AKR1A1: variants seen among roughly 807,000 people sequenced by gnomAD.
AKR1A1 encodes the protein HEL-S-165mP.
AKR1A1 carries 26 observed loss-of-function variants against 39.2 expected under a neutral mutation model. The ratio of observed to expected loss-of-function variants is 0.66; its 90% confidence interval spans 0.49 to 0.92. The LOEUF is 0.92. AKR1A1 is among the 40% of genes least tolerant of loss of function. The pLI is 0.00. For synonymous variants in AKR1A1, 141 were observed against 155.5 expected, an observed-to-expected ratio of 0.91 and a Z score of 0.69; for missense variants, 378 against 406.5, an observed-to-expected ratio of 0.93 and a Z score of 0.60.
intron 2 of AKR1A1, among the ~76,000 whole-genome samples, chr1:45,565,581 C>T (rs1644331476): frequency 6.6e-6 from 1 of 152,080 alleles, no homozygotes; most frequent in Non-Finnish European, 1.5e-5. Flanking sequence ...TCAAGCGATT[C>T]TCCTATCTCA....
chr1:45,556,942 CA>C (rs1012969826), intron 1 of AKR1A1, among the ~76,000 whole-genome samples: 4 of 151,574 alleles, frequency 2.6e-5, no homozygotes, highest in African/African-American at 9.7e-5. Context: ...GTAATCCCAG[CA>C]CTTTGAAAAG....
At chr1:45,568,429 G>A (rs1644373439) in intron 5 of AKR1A1, 56 bp from the exon 6 acceptor site, 3 of 1,589,006 alleles carry the variant, frequency 1.9e-6, no homozygotes, top group East Asian at 2.2e-5. Context: ...TGTCTGGGAT[G>A]GGCCAAGCAA....
rs1209809979 is a variant in AKR1A1, at chr1:45,568,989, A to G, written c.815A>G (p.Gln272Arg). 1 of 1,614,220 alleles carries G rather than the reference A, an allele frequency of 6.2e-7. No individual in the cohort carries two copies. The highest frequency in any genetic ancestry group is 8.5e-7 in the Non-Finnish European group (1 of 1,180,012). ...AGTATCACTCCTTCTCGAATCCTTCAGAACATCAAGGTACTTGGTAATGGG... is the reference window on the plus strand; with the variant it reads ...AGTATCACTCCTTCTCGAATCCTTCGGAACATCAAGGTACTTGGTAATGGG... ...PKSITPSRIL[Q>R]NIKVFDFTFS... The change falls in exon 7 of 9, where the codon CAG becomes CGG. Residue 272 changes from glutamine (Q) to arginine (R), a missense_variant. Physicochemically the swap from Gln to Arg is conservative, Grantham distance 43. Transcript: ENST00000351829.
At chr1:45,557,474 G>A (rs1644219977) in intron 1 of AKR1A1, among the ~76,000 whole-genome samples, 1 of 152,032 alleles carries the variant, frequency 6.6e-6, no homozygotes, top group South Asian at 2.1e-4. Flanking sequence ...CAGCCTTTTC[G>A]GTGTTCAGTT....
Position 45,566,940 on chromosome 1 carries a change from G to A in AKR1A1, c.276G>A (p.Glu92=), listed in dbSNP as rs1570914082. ...CCAAGCACCACCCCGAGGATGTGGA[G>A]CCTGCCCTCCGGAAGACTCTGGCTG... ...WNTKHHPEDV[E]PALRKTLADL... The change falls in exon 4 of 9, where the codon GAG becomes GAA. Residue 92 remains glutamate (E), a synonymous_variant. Transcript: ENST00000351829. 1 of 1,614,234 alleles carries A rather than the reference G, an allele frequency of 6.2e-7. No homozygotes were observed. Among genetic ancestry groups the A allele is most frequent in the East Asian group, 2.2e-5 (1 of 44,880 alleles).
rs1286632250 is a variant in AKR1A1 at position 45,566,704 on chromosome 1, G to A, written c.204+16G>A. 2 of 1,613,694 alleles carry A rather than the reference G, an allele frequency of 1.2e-6. No homozygotes were observed. The highest frequency in any genetic ancestry group is 8.5e-7 in the Non-Finnish European group (1 of 1,179,838). ...ACCAGGCAAGGTAAGGACTGGGGTTGTAAATAGAGGTGGGATAAGAGAACT... is the reference window on the plus strand; with the variant it reads ...ACCAGGCAAGGTAAGGACTGGGGTTATAAATAGAGGTGGGATAAGAGAACT... On this transcript the variant is annotated intron_variant, in intron 3 of 8. Transcript: ENST00000351829.
At chr1:45,553,178 C>T (rs1327602725) in intron 1 of AKR1A1, among the ~76,000 whole-genome samples, 1 of 151,710 alleles carries the variant, frequency 6.6e-6, no homozygotes, top group African/African-American at 2.4e-5. Context: ...AATACCAGCA[C>T]TTCGGGAGGC....
At chr1:45,568,778 C>G in intron 6 of AKR1A1, 94 bp downstream of exon 6, 1 of 1,559,500 alleles carries the variant, frequency 6.4e-7, no homozygotes, top group South Asian at 1.1e-5. Flanking sequence ...AGGATCTTGC[C>G]TTGTGATCTG....
intron 1 of AKR1A1, among the ~76,000 whole-genome samples, chr1:45,557,518 G>A (rs1343980580): frequency 6.6e-6 from 1 of 152,172 alleles, no homozygotes; most frequent in Non-Finnish European, 1.5e-5. Context: ...GCAAGATTCA[G>A]GTTTCTTCTT....
chr1:45,567,757 G>T (rs1359123159), intron 4 of AKR1A1: 4 of 380,206 alleles, frequency 1.1e-5, no homozygotes, highest in Admixed American at 4.0e-5. Flanking sequence ...AACCCAGGAG[G>T]TGGAGCTTGC....
chr1:45,557,489 C>T (rs1382302140), intron 1 of AKR1A1, among the ~76,000 whole-genome samples: 2 of 152,184 alleles, frequency 1.3e-5, no homozygotes, highest in Non-Finnish European at 2.9e-5. Flanking sequence ...TCAGTTTCAC[C>T]AGCAAAAGAA....
Position 45,566,853 on chromosome 1 carries a change from C to T in AKR1A1, c.205-16C>T, listed in dbSNP as rs750270231. 21 of 1,612,516 alleles carry T rather than the reference C, an allele frequency of 1.3e-5. No homozygotes were observed. Among genetic ancestry groups the T allele is most frequent in the African/African-American group, 8.0e-5 (6 of 74,932 alleles). The stretch of plus-strand genomic sequence containing the variant: ...CTCATGGCTCTTCTCACTGTGGGCC[C>T]TGCCCCCTGCACTAGGCGGTGCCTC... On this transcript the variant is annotated splice_polypyrimidine_tract_variant and intron_variant, in intron 3 of 8. Coordinates refer to ENST00000351829, the MANE Select transcript of AKR1A1 (RefSeq NM_153326.3).
chr1:45,560,100 G>A (rs1280568735), intron 1 of AKR1A1, among the ~76,000 whole-genome samples: 1 of 151,678 alleles, frequency 6.6e-6, no homozygotes, highest in Non-Finnish European at 1.5e-5. Flanking sequence ...CGATTCTCCC[G>A]CCTCAGCCTC....
chr1:45,564,891 C>T (rs1295917728), intron 2 of AKR1A1, among the ~76,000 whole-genome samples: 2 of 147,822 alleles, frequency 1.4e-5, no homozygotes, highest in African/African-American at 5.0e-5. Flanking sequence ...GGCGCAATCT[C>T]GCCTCACTGC....
At chr1:45,568,454 C>T in intron 5 of AKR1A1, 31 bp from the exon 6 acceptor site, 1 of 1,609,744 alleles carries the variant, frequency 6.2e-7, no homozygotes, top group Non-Finnish European at 8.5e-7. Context: ...GGTGTCACCA[C>T]TTCATGGTGA....
At chr1:45,564,974 T>C (rs1184696401) in intron 2 of AKR1A1, among the ~76,000 whole-genome samples, 6 of 149,774 alleles carry the variant, frequency 4.0e-5, no homozygotes, top group East Asian at 2.0e-4. Context: ...AGGCACCCCC[T>C]ACCACGCCCA....
chr1:45,566,482 C>A (rs1644345120), intron 2 of AKR1A1, 87 bp from the exon 3 acceptor site: 1 of 1,560,552 alleles, frequency 6.4e-7, no homozygotes, highest in Non-Finnish European at 8.7e-7. Flanking sequence ...ATTTCTGAGC[C>A]CCCTTCCCCC....
At chr1:45,563,291 T>C (rs936605952) in intron 2 of AKR1A1, among the ~76,000 whole-genome samples, 1 of 151,780 alleles carries the variant, frequency 6.6e-6, no homozygotes, top group African/African-American at 2.4e-5. Flanking sequence ...TCCCAGCTAC[T>C]TGGGAGGCTG....
Position 45,568,665 on chromosome 1 carries a change from C to G in AKR1A1, c.733C>G (p.Pro245Ala), listed in dbSNP as rs755890684. ...LALAEKYGRS[P>A]AQILLRWQVQ... The stretch of plus-strand genomic sequence containing the variant: ...ATTGGCTGAAAAGTATGGCCGATCT[C>G]CAGCTCAGATCTTGCTCAGGTATGG... The change falls in exon 6 of 9, where the codon CCA (proline) becomes GCA (alanine). Residue 245 changes from proline to alanine, a missense_variant. Physicochemically the swap from Pro to Ala is conservative, Grantham distance 27 (BLOSUM62 -1). Transcript: ENST00000351829. The G allele has an allele frequency of 1.9e-6, 3 of 1,613,492 alleles. No individual in the cohort carries two copies.
Sources: gnomAD v4.1 joint callset for allele counts (sites outside exome capture counted in the v4.1 genomes callset) on GRCh38, gnomAD v4.1.1 for gene constraint, MANE v1.5 for transcripts, NCBI Gene and HGNC (gene_info 2026-07-23, HGNC 2026-07-21) for gene names.